COL4A3: variants seen among roughly 807,000 people sequenced by gnomAD.
The protein encoded by COL4A3 is collagen type IV alpha 3 chain, also known as collagen alpha-3(IV) chain.
A neutral mutation model predicts 217.4 loss-of-function variants in COL4A3; 135 were observed. The ratio of observed to expected loss-of-function variants is 0.62; its 90% CI spans 0.54 to 0.72. The LOEUF (loss-of-function observed/expected upper bound fraction) is 0.72, where lower values mean the gene tolerates loss of function less well. Ranked by LOEUF, COL4A3 falls within the 30% of genes least tolerant of loss-of-function variation. The pLI, the probability that COL4A3 is intolerant of heterozygous loss-of-function variation, is 0.00. For missense variants in COL4A3, 1,868 were observed against 2,119.9 expected, an observed-to-expected ratio of 0.88 and a Z score of 2.33; for synonymous variants, 690 against 736.3, an observed-to-expected ratio of 0.94 and a Z score of 1.02.
chr2:227,245,881 G>A (rs1183948057), intron 5 of COL4A3, 73 bp from the exon 6 acceptor site: 1 of 1,017,338 alleles, frequency 9.8e-7, no homozygotes, highest in African/African-American at 1.6e-5. Context: ...ATTTAAATCA[G>A]TGCATCTTTT....
At position 227,244,957 on chromosome 2, in the gene COL4A3, A is replaced by G; in HGVS notation, c.286A>G (p.Ser96Gly). ...LTGSKGVRGI[S>G]GLPGFSGSPG... ...CTTTTTCCTATGTCTTCAGGGAATAAGTGGATTGCCAGGATTTTCTGGTTC... is the reference window on the plus strand; with the variant it reads ...CTTTTTCCTATGTCTTCAGGGAATAGGTGGATTGCCAGGATTTTCTGGTTC... Residue 96 changes from serine to glycine, a missense_variant, in exon 5 of 52, where the codon AGT (serine) becomes GGT (glycine). Ser to Gly is a moderately conservative substitution (Grantham distance 56, BLOSUM62 0). Around this residue, in one of 2 missense-constraint regions of COL4A3, gnomAD observed 365 missense variants for 333.8 expected, o/e 1.09. Coordinates refer to ENST00000396578, the MANE Select transcript of COL4A3 (RefSeq NM_000091.5). 6.2e-7 allele frequency: 1 copy of G among 1,613,378 alleles called. No homozygotes were observed. The highest frequency in any genetic ancestry group is 8.5e-7 in the Non-Finnish European group (1 of 1,179,604).
intron 1 of COL4A3, among the ~76,000 whole-genome samples, chr2:227,168,362 G>A (rs1345092528): frequency 6.6e-6 from 1 of 152,222 alleles, no homozygotes; most frequent in Non-Finnish European, 1.5e-5. Flanking sequence ...TTAATGGTGT[G>A]AAATGAGATC....
chr2:227,253,711 C>G lies in COL4A3; in HGVS notation c.765+73C>G, dbSNP rs2069947864. On this transcript the variant is annotated intron_variant, in intron 13 of 51. Transcript: ENST00000396578. The surrounding 1 kb of genome is among the most constrained non-coding windows in gnomAD (Gnocchi z 4.4). Reference sequence around the variant, plus strand: ...ATGAAGTCCTTGTGACCCTGCACCTCTTTTACAAGCTCTTGTTATCTAAGT... The same window carrying G: ...ATGAAGTCCTTGTGACCCTGCACCTGTTTTACAAGCTCTTGTTATCTAAGT... 1.6e-5 allele frequency: 20 copies of G among 1,244,922 alleles called. No homozygotes were observed. Among genetic ancestry groups the G allele is most frequent in the South Asian group, 2.4e-5 (2 of 83,620 alleles). The allele number at this position is 1,244,922 out of a possible 1,614,324, so 77.1% of individuals were successfully genotyped here.
intron 28 of COL4A3, among the ~76,000 whole-genome samples, chr2:227,278,739 G>C (rs1174126596): frequency 6.6e-6 from 1 of 152,176 alleles, no homozygotes; most frequent in Admixed American, 6.5e-5. Flanking sequence ...GAAGAAGACT[G>C]TTGACTGTGG....
At chr2:227,199,831 AAAAC>A (rs574104020) in intron 1 of COL4A3, among the ~76,000 whole-genome samples, 4 of 148,124 alleles carry the variant, frequency 2.7e-5, no homozygotes, top group South Asian at 2.1e-4. Context: ...TAAAAATGTA[AAAAC>A]AAACAAACAA....
intron 44 of COL4A3, 85 bp downstream of exon 44, chr2:227,303,195 C>G (rs1574833151): frequency 8.5e-7 from 1 of 1,176,470 alleles, no homozygotes; most frequent in East Asian, 2.3e-5. Flanking sequence ...TGCTGAAGTA[C>G]AGACAGCTGG....
At chr2:227,227,553 G>A (rs774281453) in intron 1 of COL4A3, among the ~76,000 whole-genome samples, 1 of 151,894 alleles carries the variant, frequency 6.6e-6, no homozygotes, top group Non-Finnish European at 1.5e-5. Flanking sequence ...AAGAAGAAAT[G>A]CAACACTGCA....
intron 1 of COL4A3, among the ~76,000 whole-genome samples, chr2:227,169,598 T>C (rs963583688): frequency 6.6e-6 from 1 of 152,136 alleles, no homozygotes; most frequent in Non-Finnish European, 1.5e-5. Context: ...TGGTGAGAGA[T>C]GGTATCTCAT....
intron 50 of COL4A3, 22 bp downstream of exon 50, chr2:227,309,340 G>A (rs746150894): frequency 3.2e-6 from 5 of 1,575,318 alleles, no homozygotes; most frequent in East Asian, 2.2e-5. Flanking sequence ...AGGAACAGGA[G>A]GTTTAGGGTA....
At chr2:227,233,281 G>T (rs1459125177) in intron 1 of COL4A3, among the ~76,000 whole-genome samples, 1 of 152,046 alleles carries the variant, frequency 6.6e-6, no homozygotes, top group South Asian at 2.1e-4. Context: ...CCAAAGTGCT[G>T]GGATTACAGA....
rs369342543 is a variant in COL4A3, at chr2:227,279,830, T to C, written c.2163T>C (p.Gly721=). The change falls in exon 29 of 52, where the codon GGT becomes GGC. Residue 721 remains glycine (G), a synonymous_variant. Coordinates refer to ENST00000396578, the MANE Select transcript of COL4A3 (RefSeq NM_000091.5). ...TTCCAGGTACAAAAGGATCACTGGG[T>C]TGTCCTGGAAAAATGGGAGAGCCTG... ...QGFPGTKGSL[G]CPGKMGEPGL... is the part of the protein sequence containing the mutation. 1.9e-6 allele frequency: 3 copies of C among 1,610,766 alleles called. No homozygotes were observed. Among genetic ancestry groups the C allele is most frequent in the Non-Finnish European group, 2.5e-6 (3 of 1,178,778 alleles).
At chr2:227,285,547 C>T (rs1046897291) in intron 34 of COL4A3, among the ~76,000 whole-genome samples, 1 of 152,104 alleles carries the variant, frequency 6.6e-6, no homozygotes, top group Non-Finnish European at 1.5e-5. Flanking sequence ...GCACCAATCT[C>T]CAGTCCTCAT....
chr2:227,218,092 A>ATATATATATAGC lies in COL4A3; in HGVS notation c.88-19865_88-19864insCTATATATATAG, dbSNP rs1553743409. Among the ~76,000 whole-genome samples, 5 of 146,486 alleles carry ATATATATATAGC rather than the reference A, an allele frequency of 3.4e-5. No individual in the cohort carries two copies. In the Admixed American group the frequency reaches 3.5e-4, roughly 10 times the overall value. On this transcript the variant is annotated intron_variant, in intron 1 of 51. Transcript: ENST00000396578. ...ACTATATATATAGCTATATATATAT[A>ATATATATATAGC]TATATATATAGTTATTTTAAATTTG...
intron 1 of COL4A3, among the ~76,000 whole-genome samples, chr2:227,190,385 C>G (rs1449437511): frequency 6.6e-6 from 1 of 152,154 alleles, no homozygotes; most frequent in Non-Finnish European, 1.5e-5. Flanking sequence ...TATGGACATG[C>G]ATGATGCTTC....
chr2:227,197,870 G>A (rs1418968710), intron 1 of COL4A3, among the ~76,000 whole-genome samples: 3 of 152,214 alleles, frequency 2.0e-5, no homozygotes, highest in Non-Finnish European at 4.4e-5. Context: ...ATGGCAGAGA[G>A]GAGAAGTAAT....
chr2:227,294,139 G>GAA (rs1559910451), intron 38 of COL4A3: 1 of 302,100 alleles, frequency 3.3e-6, no homozygotes, highest in Admixed American at 4.9e-5. Flanking sequence ...AAACAACTGT[G>GAA]AAACTATCGG....
At position 227,253,494 on chromosome 2, in the gene COL4A3, A is replaced by G; in HGVS notation, c.688-67A>G. On this transcript the variant is annotated intron_variant, in intron 12 of 51. Coordinates refer to ENST00000396578, the MANE Select transcript of COL4A3 (RefSeq NM_000091.5). The surrounding 1 kb of genome is among the most constrained non-coding windows in gnomAD (Gnocchi z 4.4). ...CTAAAGGGGAAAAGTAGACCTTTCA[A>G]ACGTAGTAACATTGAAATGTTGATG... is the stretch of plus-strand genomic sequence containing the variant. 1 of 1,458,664 alleles carries G rather than the reference A, an allele frequency of 6.9e-7. No homozygotes were observed. The highest frequency in any genetic ancestry group is 1.1e-5 in the South Asian group (1 of 87,956). 90.4% of individuals were successfully genotyped at this position (1,458,664 alleles called of 1,614,324 possible).
At chr2:227,195,588 C>T (rs6712895) in intron 1 of COL4A3, among the ~76,000 whole-genome samples, 95,737 of 151,676 alleles carry the variant, frequency 0.63, 30,393 homozygotes, top group East Asian at 0.67. Context: ...TTGATAATGA[C>T]GATAAATATT....
intron 14 of COL4A3, 136 bp downstream of exon 14, chr2:227,254,310 C>T (rs901764774): frequency 5.2e-6 from 4 of 763,998 alleles, no homozygotes; most frequent in Admixed American, 4.8e-5. Context: ...ACTCCACAGG[C>T]AGAGCAGCTA....
Sources: allele counts gnomAD v4.1 joint callset (sites outside exome capture counted in the v4.1 genomes callset), GRCh38; gene constraint gnomAD v4.1.1; regional missense constraint gnomAD v4.1.1; non-coding constraint Gnocchi (gnomAD v3.1); transcripts MANE v1.5; gene names NCBI Gene and HGNC (gene_info 2026-07-23, HGNC 2026-07-21).